The following TUSC3 variants were observed in gnomAD, a reference collection of about 807,000 sequenced individuals.
TUSC3 encodes the protein tumor suppressor candidate 3.
A neutral mutation model predicts 44.8 loss-of-function variants in TUSC3; 45 were observed. The ratio of observed to expected loss-of-function variants is 1.00; its 90% CI spans 0.79 to 1.29. The LOEUF (loss-of-function observed/expected upper bound fraction) is 1.29, where lower values mean the gene tolerates loss of function less well. Among genes scored for constraint, TUSC3 ranks in the 50% most tolerant of loss-of-function variants. The pLI is 0.00. For missense variants in TUSC3, 519 were observed against 437.9 expected, an observed-to-expected ratio of 1.19 and a Z score of -1.65; for synonymous variants, 212 against 152.9, an observed-to-expected ratio of 1.39 and a Z score of -2.85.
At chr8:15,509,620 CATAAT>C (rs1477913009) in intron 2 of TUSC3, among the ~76,000 whole-genome samples, 3 of 151,954 alleles carry the variant, frequency 2.0e-5, no homozygotes, top group Non-Finnish European at 4.4e-5. Flanking sequence ...AAAAAAAAAT[CATAAT>C]AAAATAGCAC....
intron 2 of TUSC3, among the ~76,000 whole-genome samples, chr8:15,631,591 A>G (rs1263626014): frequency 6.6e-6 from 1 of 152,138 alleles, no homozygotes; most frequent in Non-Finnish European, 1.5e-5. Flanking sequence ...TATTAGCAAA[A>G]AACTACCTAT....
rs542427915 is a variant in TUSC3 at position 15,746,272 on chromosome 8, ATGTT to A, written c.938-2097_938-2094del. Reference sequence around the variant, plus strand: ...CCGTTTTCAACTCCTCTCTTGGTAGATGTTTGTTTCTCTAACTCCAGCTCCCAGC... The same window carrying A: ...CCGTTTTCAACTCCTCTCTTGGTAGATGTTTCTCTAACTCCAGCTCCCAGC... On this transcript the variant is annotated intron_variant, in intron 8 of 10. Coordinates refer to ENST00000503731, the MANE Select transcript of TUSC3 (RefSeq NM_006765.4). 2.3e-3 allele frequency among the ~76,000 whole-genome samples: 353 copies of A among 152,224 alleles called. 2 individuals carry two copies. The highest frequency in any genetic ancestry group is 2.1e-3 in the Non-Finnish European group (145 of 67,978).
chr8:15,519,887 T>C (rs368761441), intron 2 of TUSC3, among the ~76,000 whole-genome samples: 4 of 152,236 alleles, frequency 2.6e-5, no homozygotes, highest in African/African-American at 9.6e-5. Flanking sequence ...TATGGAATAA[T>C]AGTCTTGCCA....
chr8:15,650,942 A>C, intron 3 of TUSC3, 128 bp downstream of exon 3: 1 of 862,804 alleles, frequency 1.2e-6, no homozygotes, highest in South Asian at 1.4e-5. Context: ...GTGAGCCGAG[A>C]TTGTGCCACT....
intron 2 of TUSC3, among the ~76,000 whole-genome samples, chr8:15,649,300 T>C (rs2129175016): frequency 6.6e-6 from 1 of 152,116 alleles, no homozygotes; most frequent in South Asian, 2.1e-4. Flanking sequence ...TATTAAGAAG[T>C]TTAGCCGGGC....
chr8:15,585,170 G>A (rs574447326), intron 1 of TUSC3, among the ~76,000 whole-genome samples: 19 of 152,264 alleles, frequency 1.2e-4, no homozygotes, highest in African/African-American at 4.1e-4. Flanking sequence ...CCTAACTGGC[G>A]TTAGGAATAG....
chr8:15,820,168 T>C, the TUSC3 span, among the ~76,000 whole-genome samples: 1 of 152,192 alleles, frequency 6.6e-6, no homozygotes, highest in Non-Finnish European at 1.5e-5. Context: ...AAATTCTGAT[T>C]GACTGATAAA....
chr8:15,734,943 A>G, intron 7 of TUSC3, among the ~76,000 whole-genome samples: 1 of 152,218 alleles, frequency 6.6e-6, no homozygotes, highest in East Asian at 1.9e-4. Flanking sequence ...AGAAATTTGA[A>G]TCTTAGCTAC....
rs566621453 is a variant in TUSC3 at position 15,593,171 on chromosome 8, C to T, written c.139-29909C>T. On this transcript the variant is annotated intron_variant, in intron 1 of 10. Transcript: ENST00000503731. ...TGTGATCTTGGCTCACTGCAGCCTC[C>T]GCCTTCTGGGTTCAAGCGATTCTTC... Among the ~76,000 whole-genome samples the T allele has an allele frequency of 2.0e-4, 30 of 152,180 alleles. 1 individual carries two copies. In the South Asian group the frequency reaches 3.9e-3, roughly 20 times the overall value.
intron 1 of TUSC3, chr8:15,483,382 C>G (rs1337013609): frequency 4.8e-6 from 1 of 207,146 alleles, no homozygotes; most frequent in Non-Finnish European, 9.8e-6. Context: ...CTGTCATTGC[C>G]CAGGCTGGAG....
At chr8:15,574,041 C>G (rs116415815) in intron 1 of TUSC3, among the ~76,000 whole-genome samples, 3,171 of 152,130 alleles carry the variant, frequency 0.021, 45 homozygotes, top group African/African-American at 0.039. Flanking sequence ...GAAGTTATTC[C>G]AGACTTTTTT....
chr8:15,743,415 T>G (rs1811276917), intron 7 of TUSC3, 123 bp from the exon 8 acceptor site: 1 of 956,112 alleles, frequency 1.0e-6, no homozygotes, highest in East Asian at 2.4e-5. Context: ...TAAAGGTAAT[T>G]GATTGTATTT....
chr8:15,763,909 C>G lies in TUSC3; in HGVS notation c.*47-294C>G, dbSNP rs62503681. Reference sequence around the variant, plus strand: ...TTCCCCTACATTACCATTTTAAATGCTGATTTAACTGCTGTTCTAGCCAGC... The same window carrying G: ...TTCCCCTACATTACCATTTTAAATGGTGATTTAACTGCTGTTCTAGCCAGC... On this transcript the variant is annotated intron_variant, in intron 10 of 10. Transcript: ENST00000503731. Among the ~76,000 whole-genome samples, 19,044 of 151,888 alleles carry G rather than the reference C, an allele frequency of 0.13. 1,698 individuals carry two copies. The highest frequency in any genetic ancestry group is 0.19 in the Non-Finnish European group (12,603 of 67,878).
intron 8 of TUSC3, among the ~76,000 whole-genome samples, chr8:15,747,609 C>T (rs1312333873): frequency 6.6e-6 from 1 of 151,972 alleles, no homozygotes; most frequent in Non-Finnish European, 1.5e-5. Flanking sequence ...TATGCATCTG[C>T]TTTAGAGTAA....
the TUSC3 span, among the ~76,000 whole-genome samples, chr8:15,772,334 G>C: frequency 2.0e-5 from 3 of 152,142 alleles, no homozygotes; most frequent in Non-Finnish European, 2.9e-5. Flanking sequence ...ACTAATATCA[G>C]AAATGGAAGT....
chr8:15,568,237 C>T (rs1802747595), intron 1 of TUSC3, among the ~76,000 whole-genome samples: 1 of 152,160 alleles, frequency 6.6e-6, no homozygotes, highest in Non-Finnish European at 1.5e-5. Context: ...AAGCAAAAAA[C>T]ACAAAGAGAA....
At chr8:15,697,523 A>G (rs4831765) in intron 6 of TUSC3, among the ~76,000 whole-genome samples, 131,241 of 152,190 alleles carry the variant, frequency 0.86, 56,920 homozygotes, top group Non-Finnish European at 0.9. Context: ...CTAGTTCGCT[A>G]TCTTGCTACA....
chr8:15,566,861 G>A (rs775050860), intron 1 of TUSC3, among the ~76,000 whole-genome samples: 1 of 152,082 alleles, frequency 6.6e-6, no homozygotes, highest in Admixed American at 6.6e-5. Flanking sequence ...TTAAATTTCT[G>A]GGATCCAGTT....
intron 1 of TUSC3, among the ~76,000 whole-genome samples, chr8:15,563,756 T>G (rs1371902502): frequency 6.6e-6 from 1 of 151,366 alleles, no homozygotes; most frequent in Non-Finnish European, 1.5e-5. Context: ...CAGAGTAGTT[T>G]TAAAGCTCAT....
Sources: gnomAD v4.1 joint callset for allele counts (sites outside exome capture counted in the v4.1 genomes callset) on GRCh38, gnomAD v4.1.1 for gene constraint, MANE v1.5 for transcripts, NCBI Gene and HGNC (gene_info 2026-07-23, HGNC 2026-07-21) for gene names.